PTP4A3: variants seen among roughly 807,000 people sequenced by gnomAD.
PTP4A3 encodes the protein protein tyrosine phosphatase 4A3, also known as protein tyrosine phosphatase type IVA 3.
A neutral mutation model predicts 15.2 loss-of-function variants in PTP4A3; 9 were observed. The observed-to-expected ratio is 0.59, with a 90% CI of 0.36 to 1.03. The LOEUF is 1.03. Among genes scored for constraint, PTP4A3 ranks in the 50% least tolerant of loss-of-function variants. The probability of loss-of-function intolerance (pLI) is 0.02; values close to 1 mark genes in which losing one functional copy is unlikely to be tolerated. For missense variants in PTP4A3, 234 were observed against 252.1 expected (o/e 0.93, Z 0.49); for synonymous variants, 95 against 102.0 (o/e 0.93, Z 0.41).
chr8:141,427,382 C>G (rs914442756), intron 4 of PTP4A3, among the ~76,000 whole-genome samples: 10 of 152,232 alleles, frequency 6.6e-5, no homozygotes, highest in Non-Finnish European at 1.3e-4. Flanking sequence ...AGACTCCCTG[C>G]TGGGAGAACG....
At chr8:141,408,936 G>A (rs989373949) in intron 1 of PTP4A3, among the ~76,000 whole-genome samples, 1 of 152,238 alleles carries the variant, frequency 6.6e-6, no homozygotes, top group Non-Finnish European at 1.5e-5. Flanking sequence ...GGAGTTGAGT[G>A]AAGGCACAGA....
chr8:141,395,781 G>A (rs1832435593), intron 1 of PTP4A3, among the ~76,000 whole-genome samples: 1 of 152,098 alleles, frequency 6.6e-6, no homozygotes, highest in Non-Finnish European at 1.5e-5. Flanking sequence ...CAGTGGGGAT[G>A]TCCCCTGGCT....
At chr8:141,424,662 T>C (rs28485921) in intron 2 of PTP4A3, among the ~76,000 whole-genome samples, 5,048 of 151,794 alleles carry the variant, frequency 0.033, 271 homozygotes, top group African/African-American at 0.12. Context: ...GCAGCTGGGG[T>C]CCCAGCTGCC....
chr8:141,427,884 C>T, intron 5 of PTP4A3, 60 bp downstream of exon 5: 2 of 1,463,614 alleles, frequency 1.4e-6, no homozygotes, highest in Non-Finnish European at 1.9e-6. Flanking sequence ...ATCCGGCTGC[C>T]CACGAAGGGT....
intron 5 of PTP4A3, among the ~76,000 whole-genome samples, chr8:141,429,300 A>G (rs1586572560): frequency 2.0e-5 from 3 of 152,372 alleles, no homozygotes; most frequent in Admixed American, 2.0e-4. Context: ...TTCCTTGGCC[A>G]GGGCCAGCCT....
At chr8:141,405,258 GC>G (rs1431709404) in intron 1 of PTP4A3, among the ~76,000 whole-genome samples, 1 of 152,192 alleles carries the variant, frequency 6.6e-6, no homozygotes, top group Non-Finnish European at 1.5e-5. Context: ...GATCCTGTGG[GC>G]CCCATGCAGA....
rs185593964 is a variant in PTP4A3, at chr8:141,408,377, G to C, written c.-853-13011G>C. On this transcript the variant is annotated intron_variant, in intron 1 of 5. Coordinates refer to ENST00000521578, the MANE Select transcript of PTP4A3 (RefSeq NM_032611.3). Reference sequence around the variant, plus strand: ...CTCACGCCTGTAATCCCAGCACTTTGGGAGGCCAAGGTGGGCGGATCACCT... The same window carrying C: ...CTCACGCCTGTAATCCCAGCACTTTCGGAGGCCAAGGTGGGCGGATCACCT... Among the ~76,000 whole-genome samples the C allele has an allele frequency of 4.1e-3, 630 of 152,372 alleles. 8 individuals carry two copies. Among genetic ancestry groups the C allele is most frequent in the Middle Eastern group, 0.014 (4 of 294 alleles).
rs73713629 is a variant in PTP4A3, at chr8:141,411,683, C to T, written c.-853-9705C>T. 9.2e-3 allele frequency among the ~76,000 whole-genome samples: 1,404 copies of T among 152,316 alleles called. 16 individuals carry two copies. The highest frequency in any genetic ancestry group is 0.032 in the African/African-American group (1,331 of 41,566). ...CCCGCGGTTCCTCAGGCCCCTCTGA[C>T]GTGCGTCCACTAGAGCCTCGGCCAG... On this transcript the variant is annotated intron_variant, in intron 1 of 5. Transcript: ENST00000521578.
intron 2 of PTP4A3, among the ~76,000 whole-genome samples, 196 bp downstream of exon 2, chr8:141,422,541 G>A (rs917176250): frequency 1.3e-5 from 2 of 152,204 alleles, no homozygotes; most frequent in Admixed American, 1.3e-4. Context: ...TTGGGGTTGA[G>A]GGTGTTGGGG....
chr8:141,428,493 C>T (rs751446686), intron 5 of PTP4A3, among the ~76,000 whole-genome samples: 29 of 152,200 alleles, frequency 1.9e-4, no homozygotes, highest in Admixed American at 6.5e-4. Flanking sequence ...TGTGTGTGCC[C>T]GTGAGTGTGA....
intron 1 of PTP4A3, among the ~76,000 whole-genome samples, chr8:141,404,238 G>A (rs117060147): frequency 0.031 from 4,673 of 152,378 alleles, 102 homozygotes; most frequent in Non-Finnish European, 0.046. Flanking sequence ...ACAAAACCAC[G>A]TTGAAAGCAA....
At position 141,406,813 on chromosome 8, in the gene PTP4A3, C is replaced by G. The variant is rs180716338; in HGVS notation, c.-853-14575C>G. Among the ~76,000 whole-genome samples, 69 of 152,308 alleles carry G rather than the reference C, an allele frequency of 4.5e-4. No homozygotes were observed. Among genetic ancestry groups the G allele is most frequent in the Non-Finnish European group, 8.2e-4 (56 of 68,020 alleles). On this transcript the variant is annotated intron_variant, in intron 1 of 5. Transcript: ENST00000521578. The surrounding 1 kb of genome is among the most constrained non-coding windows in gnomAD (Gnocchi z 4.5). ...ACTTCGCCCTGAATCCTCCTCTGAG[C>G]CGGCTTTGCCTCCTGCTGTTCCCAC...
In PTP4A3 at chr8:141,406,068, T is replaced by C. The variant is rs987735878; in HGVS notation, c.-854+13984T>C. On this transcript the variant is annotated intron_variant, in intron 1 of 5. Transcript: ENST00000521578. This position sits in a 1 kb window ranked among gnomAD's most constrained non-coding sequence, Gnocchi z 4.5. ...GAGTGACGCGGGCACCACTGGAGGC[T>C]TTGAGCGGAGGGGGCTATGATCTGA... is the stretch of plus-strand genomic sequence containing the variant. 4.6e-5 allele frequency among the ~76,000 whole-genome samples: 7 copies of C among 151,902 alleles called. No individual in the cohort carries two copies. Among genetic ancestry groups the C allele is most frequent in the African/African-American group, 1.7e-4 (7 of 41,332 alleles).
At position 141,425,342 on chromosome 8, in the gene PTP4A3, G is replaced by A. The variant is rs1231770625; in HGVS notation, c.198+202G>A. 1.3e-5 allele frequency among the ~76,000 whole-genome samples: 2 copies of A among 152,078 alleles called. No individual in the cohort carries two copies. Among genetic ancestry groups the A allele is most frequent in the South Asian group, 2.1e-4 (1 of 4,832 alleles). On this transcript the variant is annotated intron_variant, in intron 3 of 5. Transcript: ENST00000521578. The surrounding 1 kb of genome is among the most constrained non-coding windows in gnomAD (Gnocchi z 4.2). ...GTGACCTCAAGAAAGTCACCCTTGC[G>A]CACCCGTCTTTCTGTCTCTAGGGTG...
chr8:141,417,242 A>C (rs1338662989), intron 1 of PTP4A3, among the ~76,000 whole-genome samples: 1 of 152,144 alleles, frequency 6.6e-6, no homozygotes, highest in Non-Finnish European at 1.5e-5. Context: ...GTGTTACCTC[A>C]GGGTGTTCCT....
intron 1 of PTP4A3, among the ~76,000 whole-genome samples, chr8:141,419,611 G>T (rs1242244243): frequency 1.7e-4 from 23 of 137,814 alleles, no homozygotes; most frequent in Non-Finnish European, 3.2e-4. Context: ...TGCTCTTGTT[G>T]CCCAGGCTAG....
rs1832738493 is a variant in PTP4A3 at position 141,406,805 on chromosome 8, C to T, written c.-853-14583C>T. On this transcript the variant is annotated intron_variant, in intron 1 of 5. Coordinates refer to ENST00000521578, the MANE Select transcript of PTP4A3 (RefSeq NM_032611.3). This position sits in a 1 kb window ranked among gnomAD's most constrained non-coding sequence, Gnocchi z 4.5. Reference sequence around the variant, plus strand: ...CTGTAGGCACTTCGCCCTGAATCCTCCTCTGAGCCGGCTTTGCCTCCTGCT... The same window carrying T: ...CTGTAGGCACTTCGCCCTGAATCCTTCTCTGAGCCGGCTTTGCCTCCTGCT... Among the ~76,000 whole-genome samples, 1 of 152,222 alleles carries T rather than the reference C, an allele frequency of 6.6e-6. No homozygotes were observed. Among genetic ancestry groups the T allele is most frequent in the East Asian group, 1.9e-4 (1 of 5,192 alleles).
chr8:141,422,157 T>C lies in PTP4A3; in HGVS notation c.-84T>C. On this transcript the variant is annotated 5_prime_UTR_variant, in exon 2 of 6. Transcript: ENST00000521578. The stretch of plus-strand genomic sequence containing the variant: ...CAGGGATCTCGTTCTCCTCATTTTT[T>C]GGGGGTGTGTGGGGACTTCTCAGGT... The C allele has an allele frequency of 1.5e-6, 2 of 1,290,712 alleles. No homozygotes were observed. Among genetic ancestry groups the C allele is most frequent in the Admixed American group, 3.7e-5 (2 of 54,038 alleles). 80.0% of individuals were successfully genotyped at this position (1,290,712 alleles called of 1,614,324 possible).
chr8:141,427,188 C>T, intron 4 of PTP4A3, 119 bp downstream of exon 4: 1 of 1,432,106 alleles, frequency 7.0e-7, no homozygotes, highest in Middle Eastern at 2.6e-4. Context: ...CCCAGGAGGC[C>T]CATGCCCCTA....
Sources: gnomAD v4.1 joint callset for allele counts (sites outside exome capture counted in the v4.1 genomes callset) on GRCh38, gnomAD v4.1.1 for gene constraint, Gnocchi (gnomAD v3.1) non-coding constraint, MANE v1.5 for transcripts, NCBI Gene and HGNC (gene_info 2026-07-23, HGNC 2026-07-21) for gene names.